RIT2: variants seen among roughly 807,000 people sequenced by gnomAD.
The protein encoded by RIT2 is Ras like without CAAX 2, also known as GTP-binding protein Rit2.
A neutral mutation model predicts 23.7 loss-of-function variants in RIT2; 24 were observed. The ratio of observed to expected loss-of-function variants is 1.01; its 90% CI spans 0.73 to 1.43. The LOEUF (loss-of-function observed/expected upper bound fraction) is 1.43, where lower values mean the gene tolerates loss of function less well. RIT2 is among the 40% of genes most tolerant of loss of function. The pLI, the probability that RIT2 is intolerant of heterozygous loss-of-function variation, is 0.00. For synonymous variants in RIT2, 107 were observed against 91.1 expected, an observed-to-expected ratio of 1.17 and a Z score of -0.99; for missense variants, 236 against 266.9, an observed-to-expected ratio of 0.88 and a Z score of 0.81.
intron 4 of RIT2, among the ~76,000 whole-genome samples, chr18:42,875,583 T>A (rs1297419701): frequency 6.6e-6 from 1 of 152,038 alleles, no homozygotes; most frequent in Non-Finnish European, 1.5e-5. Flanking sequence ...ATATGCTGAG[T>A]TCATGTAGCT....
intron 3 of RIT2, among the ~76,000 whole-genome samples, chr18:42,935,077 A>T (rs1430432084): frequency 6.6e-6 from 1 of 152,182 alleles, no homozygotes; most frequent in Admixed American, 6.5e-5. Context: ...GTGGGTAGTG[A>T]TCAGGGTAAT....
At position 42,828,772 on chromosome 18, in the gene RIT2, C is replaced by T. The variant is rs548943534; in HGVS notation, c.427-85052G>A. On this transcript the variant is annotated intron_variant, in intron 4 of 4. Transcript: ENST00000326695. ...TATTCTCACATTGGAAGTAAACAGGCGACTGAAAAGGCTTAGACTCAGCCT... is the reference window on the plus strand; with the variant it reads ...TATTCTCACATTGGAAGTAAACAGGTGACTGAAAAGGCTTAGACTCAGCCT... Among the ~76,000 whole-genome samples, 10 of 152,236 alleles carry T rather than the reference C, an allele frequency of 6.6e-5. No homozygotes were observed. The South Asian group carries it at 8.3e-4, about 13-fold the overall frequency.
chr18:42,808,480 T>C (rs566629288), intron 4 of RIT2, among the ~76,000 whole-genome samples: 2 of 152,200 alleles, frequency 1.3e-5, no homozygotes, highest in Non-Finnish European at 2.9e-5. Flanking sequence ...CCTGATTCTA[T>C]ATCTTATTTC....
At chr18:42,839,221 C>T (rs1172746061) in intron 4 of RIT2, among the ~76,000 whole-genome samples, 2 of 152,080 alleles carry the variant, frequency 1.3e-5, no homozygotes, top group Non-Finnish European at 2.9e-5. Flanking sequence ...TTTTTAGGAT[C>T]AATACCCCTA....
chr18:43,101,852 G>A (rs1225679467), intron 1 of RIT2, among the ~76,000 whole-genome samples: 5 of 152,142 alleles, frequency 3.3e-5, no homozygotes, highest in Non-Finnish European at 7.4e-5. Context: ...TGTGAAAGCT[G>A]ATATTAGATC....
At chr18:42,983,907 G>A (rs534148307) in intron 2 of RIT2, among the ~76,000 whole-genome samples, 1 of 152,156 alleles carries the variant, frequency 6.6e-6, no homozygotes, top group East Asian at 1.9e-4. Context: ...ACACATTGCT[G>A]ATGGATACAC....
At chr18:43,071,058 G>A (rs186597801) in intron 1 of RIT2, among the ~76,000 whole-genome samples, 24 of 152,100 alleles carry the variant, frequency 1.6e-4, no homozygotes, top group Admixed American at 3.9e-4. Context: ...AAAGTGAAAC[G>A]TATATTTTTA....
chr18:43,095,282 T>C (rs1913525755), intron 1 of RIT2, among the ~76,000 whole-genome samples: 1 of 152,148 alleles, frequency 6.6e-6, no homozygotes. Flanking sequence ...TATCTCATTG[T>C]GGTTTTGATT....
intron 4 of RIT2, among the ~76,000 whole-genome samples, chr18:42,794,769 T>A (rs1914118300): frequency 6.6e-6 from 1 of 152,204 alleles, no homozygotes; most frequent in South Asian, 2.1e-4. Context: ...TAAAAGCTGA[T>A]TTATAGCATG....
Position 42,743,278 on chromosome 18 carries a change from C to T in RIT2, c.*215G>A. ...TTAGTACTATGTTGTAAAAACTAAA[C>T]AGCATATCCAGCTGATTGACAAAAT... On this transcript the variant is annotated 3_prime_UTR_variant, in exon 5 of 5. Transcript: ENST00000326695. The T allele has an allele frequency of 1.8e-6, 1 of 568,288 alleles. No individual in the cohort carries two copies. Among genetic ancestry groups the T allele is most frequent in the Middle Eastern group, 4.7e-4 (1 of 2,122 alleles). The allele number at this position is 568,288 out of a possible 1,614,324, so 35.2% of individuals were successfully genotyped here.
chr18:43,099,257 T>C (rs535918635), intron 1 of RIT2, among the ~76,000 whole-genome samples: 1 of 152,040 alleles, frequency 6.6e-6, no homozygotes, highest in Non-Finnish European at 1.5e-5. Flanking sequence ...ACATCTATAC[T>C]GCATATTAAA....
Position 43,054,871 on chromosome 18 carries a change from CAAG to C in RIT2, c.104-21007_104-21005del, listed in dbSNP as rs570283474. ...AAGTTTGTTTGTGAACCTGCAAAAC[CAAG>C]AAGAAATCCTGACATGCAGAGATGC... On this transcript the variant is annotated intron_variant, in intron 1 of 4. Coordinates refer to ENST00000326695, the MANE Select transcript of RIT2 (RefSeq NM_002930.4). 3.4e-4 allele frequency among the ~76,000 whole-genome samples: 52 copies of C among 152,044 alleles called. 1 individual carries two copies. Among genetic ancestry groups the C allele is most frequent in the Non-Finnish European group, 6.5e-4 (44 of 67,980 alleles).
At chr18:42,831,645 G>A (rs984612611) in intron 4 of RIT2, among the ~76,000 whole-genome samples, 7 of 152,052 alleles carry the variant, frequency 4.6e-5, no homozygotes, top group African/African-American at 1.7e-4. Context: ...GAGAACTGGA[G>A]GCAGGAAGAA....
At chr18:42,831,883 C>T (rs1005996871) in intron 4 of RIT2, among the ~76,000 whole-genome samples, 3 of 152,144 alleles carry the variant, frequency 2.0e-5, no homozygotes, top group Non-Finnish European at 4.4e-5. Context: ...CCCTCCAGGC[C>T]TTGCCCCTTG....
chr18:42,858,741 C>A (rs1264797579), intron 4 of RIT2, among the ~76,000 whole-genome samples: 1 of 152,102 alleles, frequency 6.6e-6, no homozygotes, highest in Non-Finnish European at 1.5e-5. Flanking sequence ...GTGGCAACCA[C>A]GAATCTACTT....
intron 1 of RIT2, among the ~76,000 whole-genome samples, chr18:43,112,579 A>G (rs776753821): frequency 2.6e-5 from 4 of 152,148 alleles, no homozygotes; most frequent in Non-Finnish European, 4.4e-5. Flanking sequence ...AAAAGTTTCT[A>G]TTAAAAAATA....
At chr18:42,863,434 T>TTTAA (rs1185405807) in intron 4 of RIT2, among the ~76,000 whole-genome samples, 5 of 152,294 alleles carry the variant, frequency 3.3e-5, no homozygotes, top group African/African-American at 1.2e-4. Flanking sequence ...TATACCAATA[T>TTTAA]TTAACTCTGC....
chr18:42,820,737 A>T (rs147754598), intron 4 of RIT2, among the ~76,000 whole-genome samples: 49 of 152,090 alleles, frequency 3.2e-4, no homozygotes, highest in South Asian at 1.2e-3. Flanking sequence ...GAGATATTGA[A>T]CCATCCTTTC....
chr18:42,840,504 C>G (rs1333460315), intron 4 of RIT2, among the ~76,000 whole-genome samples: 1 of 152,052 alleles, frequency 6.6e-6, no homozygotes, highest in Non-Finnish European at 1.5e-5. Context: ...TTGCTTTTAA[C>G]TTTTTTATTT....
Sources: gnomAD v4.1 joint callset for allele counts (sites outside exome capture counted in the v4.1 genomes callset) on GRCh38, gnomAD v4.1.1 for gene constraint, MANE v1.5 for transcripts, NCBI Gene and HGNC (gene_info 2026-07-23, HGNC 2026-07-21) for gene names.